Variants in CSTPP1 observed in about 807,000 individuals in gnomAD.
The protein encoded by CSTPP1 is UPF0705 protein C11orf49.
chr11:46,987,583 T>G, the CSTPP1 span: 2 of 320,464 alleles, frequency 6.2e-6, no homozygotes, highest in East Asian at 1.0e-4. Flanking sequence ...GGTTTCTCTT[T>G]TAACTTTCTC....
the CSTPP1 span, among the ~76,000 whole-genome samples, chr11:47,038,075 C>CTCCT: frequency 9.8e-6 from 1 of 101,676 alleles, no homozygotes; most frequent in Non-Finnish European, 2.5e-5. Context: ...CCTCACCTCC[C>CTCCT]GGATGGGGCG....
chr11:47,012,698 T>C, the CSTPP1 span, among the ~76,000 whole-genome samples: 5 of 152,122 alleles, frequency 3.3e-5, no homozygotes, highest in African/African-American at 1.2e-4. Context: ...GGATTCACGA[T>C]GGGAGCCCTT....
At chr11:47,092,631 C>T in the CSTPP1 span, among the ~76,000 whole-genome samples, 1 of 152,214 alleles carries the variant, frequency 6.6e-6, no homozygotes, top group Non-Finnish European at 1.5e-5. Context: ...TCCTCTTCTC[C>T]TGCATAACTC....
chr11:47,020,590 G>A, the CSTPP1 span, among the ~76,000 whole-genome samples: 1 of 151,466 alleles, frequency 6.6e-6, no homozygotes, highest in African/African-American at 2.5e-5. Flanking sequence ...GCAAAGGGTG[G>A]TGGAGGGAAG....
chr11:47,111,030 C>T, the CSTPP1 span, among the ~76,000 whole-genome samples: 1 of 151,944 alleles, frequency 6.6e-6, no homozygotes, highest in African/African-American at 2.4e-5. Context: ...GCTGGGACTA[C>T]AGGCGCCCGT....
At chr11:47,157,886 GCT>G in the CSTPP1 span, 2 of 1,613,894 alleles carry the variant, frequency 1.2e-6, no homozygotes, top group South Asian at 2.2e-5. Context: ...ATTCCTCATG[GCT>G]CTCTCAAAGC....
chr11:47,157,974 G>C, the CSTPP1 span: 1 of 1,512,338 alleles, frequency 6.6e-7, no homozygotes, highest in South Asian at 1.1e-5. Context: ...AACACAGGGA[G>C]CAGCTGGCCT....
At chr11:46,994,533 T>A in the CSTPP1 span, among the ~76,000 whole-genome samples, 1 of 152,216 alleles carries the variant, frequency 6.6e-6, no homozygotes, top group Non-Finnish European at 1.5e-5. Context: ...GTTGAGATAA[T>A]CATGTGGTTT....
At chr11:47,116,544 G>C in the CSTPP1 span, among the ~76,000 whole-genome samples, 1 of 151,898 alleles carries the variant, frequency 6.6e-6, no homozygotes, top group Non-Finnish European at 1.5e-5. Flanking sequence ...AGCTCTTCTT[G>C]TTGAATTGAT....
the CSTPP1 span, among the ~76,000 whole-genome samples, chr11:46,979,140 G>A: frequency 6.6e-6 from 1 of 151,942 alleles, no homozygotes; most frequent in Non-Finnish European, 1.5e-5. Flanking sequence ...TTTTTTTAAA[G>A]AGACAGGAGT....
the CSTPP1 span, among the ~76,000 whole-genome samples, chr11:47,095,119 G>C: frequency 6.6e-6 from 1 of 152,290 alleles, no homozygotes; most frequent in South Asian, 2.1e-4. Context: ...GAGAAGTACA[G>C]TAATCATTGC....
chr11:47,158,794 C>CA, the CSTPP1 span, among the ~76,000 whole-genome samples: 1 of 152,162 alleles, frequency 6.6e-6, no homozygotes, highest in Non-Finnish European at 1.5e-5. Context: ...CTTGCTCTCC[C>CA]AAAGTACTGG....
the CSTPP1 span, among the ~76,000 whole-genome samples, chr11:46,937,059 G>A: frequency 1.3e-5 from 2 of 152,132 alleles, no homozygotes; most frequent in African/African-American, 4.8e-5. Flanking sequence ...GAAGTGTAGG[G>A]GCTGGAACTC....
the CSTPP1 span, among the ~76,000 whole-genome samples, chr11:47,058,110 G>T: frequency 6.6e-6 from 1 of 152,130 alleles, no homozygotes; most frequent in African/African-American, 2.4e-5. Context: ...AAGGCAAGTG[G>T]ATCACTTGAG....
At chr11:47,138,074 C>A in the CSTPP1 span, 1 of 292,772 alleles carries the variant, frequency 3.4e-6, no homozygotes, top group Non-Finnish European at 6.4e-6. Context: ...TGTGTTTTCA[C>A]GCTACTGTAA....
chr11:47,034,426 G>A, the CSTPP1 span, among the ~76,000 whole-genome samples: 1 of 151,698 alleles, frequency 6.6e-6, no homozygotes, highest in African/African-American at 2.4e-5. Context: ...TGTCCTTTGT[G>A]GCATTTTTCC....
At chr11:46,969,116 A>G in the CSTPP1 span, among the ~76,000 whole-genome samples, 2 of 152,196 alleles carry the variant, frequency 1.3e-5, no homozygotes, top group African/African-American at 4.8e-5. Flanking sequence ...AAAGATGAAT[A>G]TAGGTCCCCA....
the CSTPP1 span, among the ~76,000 whole-genome samples, chr11:47,013,162 T>C: frequency 1.4e-5 from 2 of 148,064 alleles, no homozygotes; most frequent in African/African-American, 4.9e-5. Flanking sequence ...TATATATAAA[T>C]GGTTATTATA....
the CSTPP1 span, among the ~76,000 whole-genome samples, chr11:46,941,392 T>G: frequency 6.6e-6 from 1 of 152,050 alleles, no homozygotes. Context: ...CAGGCTGGAG[T>G]GCAATGATGT....
Sources: gnomAD v4.1 joint callset for allele counts (sites outside exome capture counted in the v4.1 genomes callset) on GRCh38, gnomAD v4.1.1 for gene constraint, MANE v1.5 for transcripts, NCBI Gene and HGNC (gene_info 2026-07-23, HGNC 2026-07-21) for gene names.